CSMD3: variants seen among roughly 807,000 people sequenced by gnomAD.
The protein encoded by CSMD3 is CUB and Sushi multiple domains 3.
A neutral mutation model predicts 435.2 loss-of-function variants in CSMD3; 177 were observed. That is an observed-to-expected ratio of 0.41 (90% CI 0.36 to 0.46). The LOEUF (loss-of-function observed/expected upper bound fraction) is 0.46. Among genes scored for constraint, CSMD3 ranks in the 20% least tolerant of loss-of-function variants. The pLI is 0.34. For missense variants in CSMD3, 4,265 were observed against 4,504.6 expected, an observed-to-expected ratio of 0.95 and a Z score of 1.52; for synonymous variants, 1,656 against 1,520.5, an observed-to-expected ratio of 1.09 and a Z score of -2.07.
intron 13 of CSMD3, among the ~76,000 whole-genome samples, chr8:112,745,336 G>C (rs1003423207): frequency 4.6e-5 from 7 of 151,464 alleles, no homozygotes; most frequent in African/African-American, 1.7e-4. Context: ...TCAAACAAGA[G>C]AAAAAATAGT....
At chr8:112,923,500 G>A (rs906262406) in intron 9 of CSMD3, among the ~76,000 whole-genome samples, 3 of 152,062 alleles carry the variant, frequency 2.0e-5, no homozygotes, top group African/African-American at 7.2e-5. Flanking sequence ...TACACTTGCT[G>A]TTATATCAAT....
intron 23 of CSMD3, among the ~76,000 whole-genome samples, chr8:112,586,245 G>T (rs923024001): frequency 6.6e-6 from 1 of 151,088 alleles, no homozygotes; most frequent in Non-Finnish European, 1.5e-5. Context: ...TTCAAGATTT[G>T]TGAAAACAGA....
chr8:113,046,242 C>A (rs1317645112), intron 5 of CSMD3, among the ~76,000 whole-genome samples: 3 of 148,940 alleles, frequency 2.0e-5, no homozygotes, highest in Admixed American at 6.7e-5. Context: ...AGGGAAAGGC[C>A]CCTACCCCAC....
At position 112,390,727 on chromosome 8, in the gene CSMD3, C is replaced by T. The variant is rs1358178114; in HGVS notation, c.5871G>A (p.Glu1957=). The T allele has an allele frequency of 1.2e-6, 2 of 1,612,560 alleles. No homozygotes were observed. Among genetic ancestry groups the T allele is most frequent in the Non-Finnish European group, 1.7e-6 (2 of 1,178,718 alleles). Residue 1957 remains glutamate (E), a synonymous_variant, in exon 36 of 71, where the codon GAG becomes GAA. Coordinates refer to ENST00000297405, the MANE Select transcript of CSMD3 (RefSeq NM_198123.2). ...CACAATTCAGATTGTTGTCATAAGG[C>T]TCAGGGTATCCAGGTGACAAAATAG... ...KGTILSPGYP[E]PYDNNLNCVW...
intron 28 of CSMD3, 130 bp downstream of exon 28, chr8:112,516,904 G>A (rs1823724179): frequency 5.6e-6 from 4 of 710,526 alleles, no homozygotes; most frequent in South Asian, 1.7e-5. Flanking sequence ...ATTCTGCGGA[G>A]GTTAATAATC....
intron 13 of CSMD3, among the ~76,000 whole-genome samples, chr8:112,713,862 A>G (rs1175347093): frequency 6.6e-6 from 1 of 152,174 alleles, no homozygotes. Flanking sequence ...TCCATCTCAG[A>G]CAAGCAAAGG....
chr8:112,589,751 G>A (rs1831021194), intron 22 of CSMD3, among the ~76,000 whole-genome samples: 1 of 152,114 alleles, frequency 6.6e-6, no homozygotes, highest in South Asian at 2.1e-4. Flanking sequence ...GTTGATACAA[G>A]GAAGACAAGG....
At chr8:113,393,202 G>C (rs1309517176) in intron 1 of CSMD3, among the ~76,000 whole-genome samples, 1 of 151,860 alleles carries the variant, frequency 6.6e-6, no homozygotes, top group Non-Finnish European at 1.5e-5. Context: ...AATATAAAGA[G>C]AATGTTATAT....
intron 5 of CSMD3, among the ~76,000 whole-genome samples, chr8:113,078,448 T>G (rs2089433596): frequency 6.6e-6 from 1 of 152,198 alleles, no homozygotes; most frequent in African/African-American, 2.4e-5. Context: ...TGAAACACGT[T>G]CTATGCTCTA....
chr8:112,314,502 C>A lies in CSMD3; in HGVS notation c.7476G>T (p.Lys2492Asn), dbSNP rs776801533. The A allele has an allele frequency of 6.2e-7, 1 of 1,612,512 alleles. No individual in the cohort carries two copies. Among genetic ancestry groups the A allele is most frequent in the Non-Finnish European group, 8.5e-7 (1 of 1,178,716 alleles). ...QMCAWSISVE[K>N]GYNITMFVEF... is the part of the protein sequence containing the mutation. ...CTACAAACATGGTGATATTATAACC[C>A]TTTTCCACTGAAATGCTCCATGCAC... The change falls in exon 48 of 71, where the codon AAG becomes AAT. Residue 2492 changes from lysine (K) to asparagine (N), a missense_variant. This residue lies in a region of CSMD3 where 3,255 missense variants were observed against 3,380.2 expected (regional missense o/e 0.96). Transcript: ENST00000297405.
intron 53 of CSMD3, among the ~76,000 whole-genome samples, chr8:112,298,545 C>A (rs1239166944): frequency 2.0e-5 from 3 of 151,884 alleles, no homozygotes; most frequent in African/African-American, 7.2e-5. Context: ...AATGAGTAGG[C>A]AAGTCATAGA....
chr8:113,059,088 T>A (rs1355831816), intron 5 of CSMD3, among the ~76,000 whole-genome samples: 1 of 152,170 alleles, frequency 6.6e-6, no homozygotes, highest in East Asian at 1.9e-4. Context: ...AGCCTACTCA[T>A]GATTCCCCAA....
chr8:113,067,240 T>C (rs770282604), intron 5 of CSMD3, among the ~76,000 whole-genome samples: 3 of 152,156 alleles, frequency 2.0e-5, no homozygotes, highest in Non-Finnish European at 4.4e-5. Flanking sequence ...CAGTTCTTTA[T>C]AGCAATGTGA....
chr8:113,335,429 A>C (rs997537221), intron 1 of CSMD3, among the ~76,000 whole-genome samples: 4 of 151,810 alleles, frequency 2.6e-5, no homozygotes, highest in African/African-American at 7.3e-5. Flanking sequence ...ATTTTGTTTC[A>C]ATAATATTTC....
chr8:112,419,733 C>T (rs1327967050), intron 32 of CSMD3, among the ~76,000 whole-genome samples: 1 of 152,056 alleles, frequency 6.6e-6, no homozygotes, highest in Non-Finnish European at 1.5e-5. Flanking sequence ...ATTAAAAAAC[C>T]ATCTTATAAG....
rs1314851841 is a variant in CSMD3 at position 113,133,264 on chromosome 8, T to C, written c.710-34301A>G. 4.6e-5 allele frequency among the ~76,000 whole-genome samples: 7 copies of C among 152,128 alleles called. No homozygotes were observed. In the East Asian group the frequency reaches 1.2e-3, roughly 25 times the overall value. On this transcript the variant is annotated intron_variant, in intron 4 of 70. Coordinates refer to ENST00000297405, the MANE Select transcript of CSMD3 (RefSeq NM_198123.2). ...AAAAATGGATGAAGGAATTGTTAGATATTTCTCCAAAGGTTATATACAAAT... is the reference window on the plus strand; with the variant it reads ...AAAAATGGATGAAGGAATTGTTAGACATTTCTCCAAAGGTTATATACAAAT...
intron 4 of CSMD3, among the ~76,000 whole-genome samples, chr8:113,120,880 G>C (rs1159803833): frequency 6.6e-6 from 1 of 152,070 alleles, no homozygotes; most frequent in Non-Finnish European, 1.5e-5. Flanking sequence ...ATAAAATTTT[G>C]ACTGTATAGT....
At position 112,949,765 on chromosome 8, in the gene CSMD3, A is replaced by G. The variant is rs1414471529; in HGVS notation, c.1421-1888T>C. 2.0e-5 allele frequency among the ~76,000 whole-genome samples: 3 copies of G among 152,004 alleles called. No homozygotes were observed. In the South Asian group the frequency reaches 6.2e-4, roughly 31 times the overall value. ...AATCTCCAATTATTCTAGATTTTCT[A>G]CTGTATCAATTTTATTTCTCACTAG... On this transcript the variant is annotated intron_variant, in intron 8 of 70. Coordinates refer to ENST00000297405, the MANE Select transcript of CSMD3 (RefSeq NM_198123.2).
chr8:113,190,357 T>C (rs1224481962), intron 3 of CSMD3, among the ~76,000 whole-genome samples: 1 of 151,668 alleles, frequency 6.6e-6, no homozygotes, highest in East Asian at 1.9e-4. Flanking sequence ...TAAAGAGAAA[T>C]ATAAAGTAAG....
Sources: allele counts gnomAD v4.1 joint callset (sites outside exome capture counted in the v4.1 genomes callset), GRCh38; gene constraint gnomAD v4.1.1; regional missense constraint gnomAD v4.1.1; transcripts MANE v1.5; gene names NCBI Gene and HGNC (gene_info 2026-07-23, HGNC 2026-07-21).